The following CTXND2 variants were observed in gnomAD, a reference collection of about 807,000 sequenced individuals.
CTXND2 encodes the protein cortexin domain containing 2.
chr1:150,904,845 T>C (rs1669108353), intron 1 of CTXND2, among the ~76,000 whole-genome samples: 1 of 152,290 alleles, frequency 6.6e-6, no homozygotes, highest in East Asian at 1.9e-4. Flanking sequence ...GCTTTTAAAA[T>C]AGTAGCAAGT....
intron 1 of CTXND2, among the ~76,000 whole-genome samples, chr1:150,908,266 A>C (rs1383645318): frequency 6.6e-6 from 1 of 152,074 alleles, no homozygotes; most frequent in Non-Finnish European, 1.5e-5. Context: ...TTGGCTGCCC[A>C]AAGTGCTGGG....
chr1:150,899,217 G>A (rs927990462), intron 1 of CTXND2, among the ~76,000 whole-genome samples: 1 of 152,086 alleles, frequency 6.6e-6, no homozygotes, highest in Admixed American at 6.5e-5. Context: ...TAGGTGAGAG[G>A]ATCACTTGAG....
chr1:150,898,153 GT>G (rs34573516), intron 1 of CTXND2, among the ~76,000 whole-genome samples: 173 of 147,858 alleles, frequency 1.2e-3, no homozygotes, highest in Non-Finnish European at 1.4e-3. Flanking sequence ...TAGATGTGGG[GT>G]TTTTTTTTTT....
At chr1:150,888,485 T>C (rs1668805401) in intron 1 of CTXND2, among the ~76,000 whole-genome samples, 1 of 151,888 alleles carries the variant, frequency 6.6e-6, no homozygotes, top group South Asian at 2.1e-4. Flanking sequence ...CCCAAAGTGT[T>C]GGGATTACAG....
rs1329519311 is a variant in CTXND2 at position 150,898,927 on chromosome 1, A to T, written c.-74+11614A>T. On this transcript the variant is annotated intron_variant, in intron 1 of 1. Coordinates refer to ENST00000636087, the Ensembl canonical transcript of CTXND2. ...CCTGTCTCTACTAAAAATACAAAAA[A>T]AAAAATATATATATATATATATTAG... is the stretch of plus-strand genomic sequence containing the variant. 2.8e-3 allele frequency among the ~76,000 whole-genome samples: 401 copies of T among 140,790 alleles called. 5 individuals are homozygous for T. The highest frequency in any genetic ancestry group is 0.018 in the South Asian group (79 of 4,474). 92.4% of individuals were successfully genotyped at this position (140,790 alleles called of 152,430 possible). A position where few individuals can be genotyped will look rare whatever the true frequency, so the allele number is the denominator to read the frequency against.
chr1:150,908,702 A>G (rs1176700041), intron 1 of CTXND2, among the ~76,000 whole-genome samples: 2 of 151,900 alleles, frequency 1.3e-5, no homozygotes, highest in Non-Finnish European at 2.9e-5. Flanking sequence ...AGCTCACTAT[A>G]ACCCTGAACT....
chr1:150,897,853 T>C (rs1046878276), intron 1 of CTXND2, among the ~76,000 whole-genome samples: 2 of 152,224 alleles, frequency 1.3e-5, no homozygotes, highest in African/African-American at 4.8e-5. Flanking sequence ...TCTCTCATCC[T>C]AGGTCTTAGG....
In CTXND2 at chr1:150,902,016, A is replaced by G. The variant is rs6660414; in HGVS notation, c.-73-10226A>G. ...CACAGTGGCTCACTCCTGTAATCCCAGGACTTTGGGAGGCCGAGGCAGGCG... is the reference window on the plus strand; with the variant it reads ...CACAGTGGCTCACTCCTGTAATCCCGGGACTTTGGGAGGCCGAGGCAGGCG... On this transcript the variant is annotated intron_variant, in intron 1 of 1. Transcript: ENST00000636087. Among the ~76,000 whole-genome samples the G allele has an allele frequency of 4.6e-3, 694 of 152,256 alleles. 5 individuals are homozygous for G. Among genetic ancestry groups the G allele is most frequent in the African/African-American group, 0.016 (647 of 41,530 alleles).
At chr1:150,910,334 TG>T (rs71090108) in intron 1 of CTXND2, among the ~76,000 whole-genome samples, 41,400 of 151,522 alleles carry the variant, frequency 0.27, 6,034 homozygotes, top group South Asian at 0.44. Flanking sequence ...TTCGCCATGT[TG>T]GCCAGGCTGG....
At chr1:150,888,174 T>G (rs1668798301) in intron 1 of CTXND2, among the ~76,000 whole-genome samples, 2 of 151,872 alleles carry the variant, frequency 1.3e-5, no homozygotes, top group South Asian at 4.2e-4. Context: ...AGAATTAAAT[T>G]TGTTGTGACT....
intron 1 of CTXND2, among the ~76,000 whole-genome samples, chr1:150,909,849 T>G (rs1159431766): frequency 6.6e-6 from 1 of 152,106 alleles, no homozygotes; most frequent in Admixed American, 6.6e-5. Context: ...CAAATCCATC[T>G]CCCTGACCAA....
intron 1 of CTXND2, among the ~76,000 whole-genome samples, chr1:150,892,996 A>C (rs587750741): frequency 6.6e-6 from 1 of 152,360 alleles, no homozygotes; most frequent in East Asian, 1.9e-4. Flanking sequence ...ATCCACAAAC[A>C]TAGTATATCC....
At chr1:150,907,814 A>G (rs1354357994) in intron 1 of CTXND2, among the ~76,000 whole-genome samples, 2 of 141,042 alleles carry the variant, frequency 1.4e-5, no homozygotes, top group Non-Finnish European at 3.0e-5. Context: ...GGTTCACGCC[A>G]TTCTCCTGCC....
At chr1:150,901,081 C>T (rs1669016831) in intron 1 of CTXND2, among the ~76,000 whole-genome samples, 3 of 152,146 alleles carry the variant, frequency 2.0e-5, no homozygotes, top group Admixed American at 1.3e-4. Flanking sequence ...CACTGCACTC[C>T]AGCCTGGGTG....
At chr1:150,910,136 T>G (rs1669225973) in intron 1 of CTXND2, among the ~76,000 whole-genome samples, 1 of 147,180 alleles carries the variant, frequency 6.8e-6, no homozygotes, top group Non-Finnish European at 1.5e-5. Flanking sequence ...TTTTTTTCTT[T>G]TTTTTTTTTT....
At chr1:150,888,253 G>C (rs1186115025) in intron 1 of CTXND2, among the ~76,000 whole-genome samples, 1 of 145,514 alleles carries the variant, frequency 6.9e-6, no homozygotes, top group Non-Finnish European at 1.5e-5. Context: ...TCACTCTGCC[G>C]CCTAGGCTGG....
intron 1 of CTXND2, among the ~76,000 whole-genome samples, chr1:150,893,856 C>T (rs1264512479): frequency 3.3e-5 from 5 of 152,278 alleles, no homozygotes; most frequent in Admixed American, 1.3e-4. Context: ...TCAAGGTCAT[C>T]ACCAAGGTCT....
At chr1:150,912,541 C>G (rs1669273914) in exon 2 of CTXND2, 2 of 398,310 alleles carry the variant, frequency 5.0e-6, no homozygotes, top group Admixed American at 8.8e-5. Context: ...GTTATACACA[C>G]TTTATATTAT....
chr1:150,909,668 G>A (rs1252925721), intron 1 of CTXND2, among the ~76,000 whole-genome samples: 4 of 152,106 alleles, frequency 2.6e-5, no homozygotes, highest in Admixed American at 2.0e-4. Context: ...TCCATTTTAA[G>A]TTTATCTTTG....
Sources: gnomAD v4.1 joint callset for allele counts (sites outside exome capture counted in the v4.1 genomes callset) on GRCh38, gnomAD v4.1.1 for gene constraint, MANE v1.5 for transcripts, NCBI Gene and HGNC (gene_info 2026-07-23, HGNC 2026-07-21) for gene names.